Variants in TPT1 observed in about 807,000 individuals in gnomAD.
TPT1 encodes the protein tumor protein, translationally-controlled 1.
Under a neutral mutation model 22.8 loss-of-function variants are expected in TPT1, and 5 were observed. That is an observed-to-expected ratio of 0.22 (90% confidence interval 0.11 to 0.46). The LOEUF (loss-of-function observed/expected upper bound fraction) is 0.46. Ranked by LOEUF, TPT1 falls within the 20% of genes least tolerant of loss-of-function variation. The pLI is 0.99. For synonymous variants in TPT1, 89 were observed against 73.6 expected (o/e 1.21, Z -1.07); for missense variants, 130 against 218.7 (o/e 0.59, Z 2.56).
At position 45,333,786 on chromosome 13, in the gene TPT1, CGGTAGT is replaced by C; in HGVS notation, c.*3594_*3599del. Reference sequence around the variant, plus strand: ...TTCCTTTCCCACTAGTGAAATCCAACGGTAGTCAAGTTTACCACTATCAGGCCTCAT... The same window carrying C: ...TTCCTTTCCCACTAGTGAAATCCAACCAAGTTTACCACTATCAGGCCTCAT... On this transcript the variant is annotated 3_prime_UTR_variant, in exon 6 of 6. Coordinates refer to ENST00000530705, the MANE Select transcript of TPT1 (RefSeq NM_003295.4). 2 of 152,266 alleles carry C rather than the reference CGGTAGT, an allele frequency of 1.3e-5. No homozygotes were observed. The highest frequency in any genetic ancestry group is 4.1e-4 in the South Asian group (2 of 4,824). The allele number at this position is 152,266 out of a possible 1,614,324, so 9.4% of individuals were successfully genotyped here.
rs1399684721 is a variant in TPT1 at position 45,336,116 on chromosome 13, G to A, written c.*1270C>T. 1 of 152,170 alleles carries A rather than the reference G, an allele frequency of 6.6e-6. No homozygotes were observed. Among genetic ancestry groups the A allele is most frequent in the African/African-American group, 2.4e-5 (1 of 41,430 alleles). 9.4% of individuals were successfully genotyped at this position (152,170 alleles called of 1,614,324 possible). A position where few individuals can be genotyped will look rare whatever the true frequency, so the allele number is the denominator to read the frequency against. On this transcript the variant is annotated 3_prime_UTR_variant, in exon 6 of 6. Coordinates refer to ENST00000530705, the MANE Select transcript of TPT1 (RefSeq NM_003295.4). ...TGAGCCCAGGAGTTGAGACCACCCT[G>A]GGCAACTAAGCGATACTCGGTCTCT...
In TPT1 at chr13:45,335,070, C is replaced by T. The variant is rs939367502; in HGVS notation, c.*2316G>A. On this transcript the variant is annotated 3_prime_UTR_variant, in exon 6 of 6. Coordinates refer to ENST00000530705, the MANE Select transcript of TPT1 (RefSeq NM_003295.4). ...CCCTAGGGCCCACAGGCTACTAAAG[C>T]ATGCCTTTGTTAAACTTAGCATCAA... The T allele has an allele frequency of 6.6e-6, 1 of 152,228 alleles. No homozygotes were observed. Among genetic ancestry groups the T allele is most frequent in the Non-Finnish European group, 1.5e-5 (1 of 68,044 alleles). 9.4% of individuals were successfully genotyped at this position (152,228 alleles called of 1,614,324 possible).
chr13:45,333,628 T>C lies in TPT1; in HGVS notation c.*3758A>G, dbSNP rs1445455525. 1.3e-5 allele frequency: 2 copies of C among 152,244 alleles called. No individual in the cohort carries two copies. Among genetic ancestry groups the C allele is most frequent in the Admixed American group, 6.5e-5 (1 of 15,286 alleles). 9.4% of individuals were successfully genotyped at this position (152,244 alleles called of 1,614,324 possible). On this transcript the variant is annotated 3_prime_UTR_variant, in exon 6 of 6. Transcript: ENST00000530705. Reference sequence around the variant, plus strand: ...AAAATCTAGTCATTTAACTAGATTTTGAAACTCCTAATGATCCAAATGAGT... The same window carrying C: ...AAAATCTAGTCATTTAACTAGATTTCGAAACTCCTAATGATCCAAATGAGT...
intron 2 of TPT1, chr13:45,340,423 G>A (rs1879016825): frequency 5.3e-6 from 4 of 749,280 alleles, no homozygotes; most frequent in Non-Finnish European, 2.3e-6. Flanking sequence ...GCGGGCATGT[G>A]ATGCCTCCGG....
rs1186213488 is a variant in TPT1, at chr13:45,338,784, A to G, written c.400-8T>C. 2.5e-6 allele frequency: 4 copies of G among 1,577,308 alleles called. No individual in the cohort carries two copies. The highest frequency in any genetic ancestry group is 2.8e-5 in the African/African-American group (2 of 72,672). On this transcript the variant is annotated splice_region_variant and splice_polypyrimidine_tract_variant and intron_variant, in intron 4 of 5. Transcript: ENST00000530705. ...GTTTTCACCAATAAAGAACTTGGGA[A>G]GCAAACAAAATACCTAGAATTAGAC...
chr13:45,340,705 G>T lies in TPT1; in HGVS notation c.102+7C>A. 7 of 1,542,290 alleles carry T rather than the reference G, an allele frequency of 4.5e-6. No individual in the cohort carries two copies. The highest frequency in any genetic ancestry group is 6.1e-6 in the Non-Finnish European group (7 of 1,144,252). On this transcript the variant is annotated splice_region_variant and intron_variant, in intron 2 of 5. Transcript: ENST00000530705. Reference sequence around the variant, plus strand: ...GACTCCCCCACGCGCAGGCCCGACCGACTCACCTTCCCCTCCACCTCCAGG... The same window carrying T: ...GACTCCCCCACGCGCAGGCCCGACCTACTCACCTTCCCCTCCACCTCCAGG...
rs1878561150 is a variant in TPT1 at position 45,334,629 on chromosome 13, C to T, written c.*2757G>A. The stretch of plus-strand genomic sequence containing the variant: ...TCTCTATCTTCATTTCCTACCACCT[C>T]AGTCTACTACCCTAGACTAAGCCAC... On this transcript the variant is annotated 3_prime_UTR_variant, in exon 6 of 6. Coordinates refer to ENST00000530705, the MANE Select transcript of TPT1 (RefSeq NM_003295.4). 1 of 152,244 alleles carries T rather than the reference C, an allele frequency of 6.6e-6. No homozygotes were observed. The highest frequency in any genetic ancestry group is 2.4e-5 in the African/African-American group (1 of 41,454). 9.4% of individuals were successfully genotyped at this position (152,244 alleles called of 1,614,324 possible). A position where few individuals can be genotyped will look rare whatever the true frequency, so the allele number is the denominator to read the frequency against.
Position 45,337,190 on chromosome 13 carries a change from AT to A in TPT1, c.*195del, listed in dbSNP as rs1231499415. 6.4e-6 allele frequency: 4 copies of A among 626,402 alleles called. No individual in the cohort carries two copies. The Admixed American group carries it at 1.2e-4, about 19-fold the overall frequency. 38.8% of individuals were successfully genotyped at this position (626,402 alleles called of 1,614,324 possible). ...CATTCTCTCAAATGAGTTTAAATGC[AT>A]TTTATTTTTAGACAACCTACATGAC... On this transcript the variant is annotated 3_prime_UTR_variant, in exon 6 of 6. Coordinates refer to ENST00000530705, the MANE Select transcript of TPT1 (RefSeq NM_003295.4).
chr13:45,338,802 A>C, intron 4 of TPT1, 26 bp from the exon 5 acceptor site: 1 of 1,547,668 alleles, frequency 6.5e-7, no homozygotes, highest in Non-Finnish European at 8.8e-7. Flanking sequence ...AAATACCTAG[A>C]ATTAGACTAT....
chr13:45,340,760 G>A lies in TPT1; in HGVS notation c.54C>T (p.Tyr18=), dbSNP rs75715907. 2.4e-5 allele frequency: 36 copies of A among 1,518,560 alleles called. No individual in the cohort carries two copies. In the East Asian group the frequency reaches 6.1e-4, roughly 26 times the overall value. The allele number at this position is 1,518,560 out of a possible 1,614,324, so 94.1% of individuals were successfully genotyped here. The stretch of plus-strand genomic sequence containing the variant: ...ACCCGTCCGCGATCTCCCGGATCTT[G>A]TAGATGTCGGAGAACATCTCATCGT... ...ISHDEMFSDI[Y]KIREIADGLC... The change falls in exon 2 of 6, where the codon TAC becomes TAT. Residue 18 remains tyrosine, a synonymous_variant. Coordinates refer to ENST00000530705, the MANE Select transcript of TPT1 (RefSeq NM_003295.4).
chr13:45,338,533 A>G (rs1188325096), intron 5 of TPT1, 127 bp downstream of exon 5: 9 of 1,453,136 alleles, frequency 6.2e-6, no homozygotes, highest in Middle Eastern at 1.8e-4. Flanking sequence ...CTTGATCCCC[A>G]AAGAGAAAAC....
In TPT1 at chr13:45,336,058, G is replaced by C. The variant is rs1319190975; in HGVS notation, c.*1328C>G. 1.3e-5 allele frequency: 2 copies of C among 152,220 alleles called. No homozygotes were observed. Among genetic ancestry groups the C allele is most frequent in the Non-Finnish European group, 2.9e-5 (2 of 68,042 alleles). The allele number at this position is 152,220 out of a possible 1,614,324, so 9.4% of individuals were successfully genotyped here. ...AAAATTCCCCTCCCAGGCTAGGCCT[G>C]CACTTTGGGAGGCTGAGGTGGGCAG... On this transcript the variant is annotated 3_prime_UTR_variant, in exon 6 of 6. Coordinates refer to ENST00000530705, the MANE Select transcript of TPT1 (RefSeq NM_003295.4).
chr13:45,339,164 G>T (rs1878912083), intron 4 of TPT1: 1 of 303,642 alleles, frequency 3.3e-6, no homozygotes, highest in African/African-American at 2.2e-5. Context: ...AAAATTAGAG[G>T]AAAGGGAAAG....
At chr13:45,337,436 A>G (rs369442586) in intron 5 of TPT1, 48 bp from the exon 6 acceptor site, 3 of 1,614,160 alleles carry the variant, frequency 1.9e-6, no homozygotes, top group Middle Eastern at 1.6e-4. Flanking sequence ...TTACACTGCA[A>G]AAGTTACATT....
rs368806786 is a variant in TPT1 at position 45,338,815 on chromosome 13, C to T, written c.400-39G>A. 2.6e-5 allele frequency: 39 copies of T among 1,486,728 alleles called. No homozygotes were observed. The African/African-American group carries it at 4.8e-4, about 18-fold the overall frequency. 92.1% of individuals were successfully genotyped at this position (1,486,728 alleles called of 1,614,324 possible). A position where few individuals can be genotyped will look rare whatever the true frequency, so the allele number is the denominator to read the frequency against. On this transcript the variant is annotated intron_variant, in intron 4 of 5. Coordinates refer to ENST00000530705, the MANE Select transcript of TPT1 (RefSeq NM_003295.4). ...CAAAATACCTAGAATTAGACTATTA[C>T]ATACAAATACATGCCATTCAAAACA...
chr13:45,334,637 T>C lies in TPT1; in HGVS notation c.*2749A>G, dbSNP rs1878561491. ...TTCATTTCCTACCACCTCAGTCTACTACCCTAGACTAAGCCACTATCTTTG... is the reference window on the plus strand; with the variant it reads ...TTCATTTCCTACCACCTCAGTCTACCACCCTAGACTAAGCCACTATCTTTG... On this transcript the variant is annotated 3_prime_UTR_variant, in exon 6 of 6. Transcript: ENST00000530705. 6.6e-6 allele frequency: 1 copy of C among 152,220 alleles called. No homozygotes were observed. The highest frequency in any genetic ancestry group is 1.5e-5 in the Non-Finnish European group (1 of 68,048). 9.4% of individuals were successfully genotyped at this position (152,220 alleles called of 1,614,324 possible).
chr13:45,340,830 C>CCATTTCCCG (rs753317916), intron 1 of TPT1, 45 bp from the exon 2 acceptor site: 61 of 1,496,312 alleles, frequency 4.1e-5, no homozygotes, highest in African/African-American at 2.1e-4. Context: ...CCTGGCGCCG[C>CCATTTCCCG]CATTTCCCGC....
intron 5 of TPT1, 56 bp from the exon 6 acceptor site, chr13:45,337,444 A>G (rs1878775006): frequency 3.1e-6 from 5 of 1,614,066 alleles, no homozygotes; most frequent in Non-Finnish European, 3.4e-6. Context: ...CAAAAGTTAC[A>G]TTACCATTAA....
Position 45,341,117 on chromosome 13 carries a change from T to G in TPT1, c.-48A>C, listed in dbSNP as rs1215121788. ...CGACGGCGCTAGCTTAGCACGAGCC[T>G]GAAACTCGGAGCGAGCGCGGTGCAG... On this transcript the variant is annotated 5_prime_UTR_variant, in exon 1 of 6. Transcript: ENST00000530705. 1 of 1,607,916 alleles carries G rather than the reference T, an allele frequency of 6.2e-7. No homozygotes were observed. The highest frequency in any genetic ancestry group is 8.5e-7 in the Non-Finnish European group (1 of 1,177,254).
Sources: allele counts gnomAD v4.1 joint callset, GRCh38; gene constraint gnomAD v4.1.1; transcripts MANE v1.5; gene names NCBI Gene and HGNC (gene_info 2026-07-23, HGNC 2026-07-21).